The following ASTL variants were observed in gnomAD, a reference collection of about 807,000 sequenced individuals.
ASTL encodes astacin-like metalloendopeptidase.
A neutral mutation model predicts 36.7 loss-of-function variants in ASTL; 27 were observed. That is an observed-to-expected ratio of 0.73 (90% CI 0.54 to 1.01). The LOEUF (loss-of-function observed/expected upper bound fraction) is 1.01. Ranked by LOEUF, ASTL falls within the 50% of genes least tolerant of loss-of-function variation. The pLI, the probability that ASTL is intolerant of heterozygous loss-of-function variation, is 0.00. For synonymous variants in ASTL, 222 were observed against 228.1 expected (o/e 0.97, Z 0.24); for missense variants, 524 against 572.8 (o/e 0.91, Z 0.87).
At chr2:96,137,510 G>A (rs1019295925) in intron 2 of ASTL, 65 bp downstream of exon 2, 20 of 1,548,826 alleles carry the variant, frequency 1.3e-5, no homozygotes, top group East Asian at 6.9e-5. Flanking sequence ...CTGAGTGTTC[G>A]GTGTGGTTTT....
In ASTL at chr2:96,123,946, T is replaced by C; in HGVS notation, c.1200A>G (p.Ser400=). The change falls in exon 9 of 9, where the codon TCA becomes TCG. Residue 400 remains serine (S), a synonymous_variant. Coordinates refer to ENST00000342380, the MANE Select transcript of ASTL (RefSeq NM_001002036.4). ...CAGGGACTGGCTGGATTCCTGCTTC[T>C]GAAGATGGGACTGTGGGCTTGGTGG... ...GVSTKPTVPS[S]EAGIQPVPVQ... 2 of 1,614,028 alleles carry C rather than the reference T, an allele frequency of 1.2e-6. No individual in the cohort carries two copies. The highest frequency in any genetic ancestry group is 8.5e-7 in the Non-Finnish European group (1 of 1,180,000).
chr2:96,125,512 C>G (rs184803850), intron 8 of ASTL, among the ~76,000 whole-genome samples: 7 of 152,170 alleles, frequency 4.6e-5, no homozygotes, highest in Non-Finnish European at 1.0e-4. Flanking sequence ...GCTATATCCA[C>G]CCCTCTCCTC....
rs1288044047 is a variant in ASTL at position 96,133,418 on chromosome 2, CACTTACCCAT to C, written c.452_455+6del. The C allele has an allele frequency of 6.4e-7, 1 of 1,563,792 alleles. No individual in the cohort carries two copies. Among genetic ancestry groups the C allele is most frequent in the Non-Finnish European group, 8.8e-7 (1 of 1,134,026 alleles). On this transcript the variant is annotated splice_donor_variant and splice_donor_5th_base_variant and coding_sequence_variant and intron_variant, in exon 5 of 9. Coordinates refer to ENST00000342380, the MANE Select transcript of ASTL (RefSeq NM_001002036.4). LOFTEE classifies it high-confidence loss of function. The stretch of plus-strand genomic sequence containing the variant: ...GCTGAGATACGCATCCTGGCCCCGG[CACTTACCCAT>C]ACATGGGGATGATGGAAATGAAGTC...
rs1227946518 is a variant in ASTL, at chr2:96,137,716, A to G, written c.56-16T>C. On this transcript the variant is annotated splice_polypyrimidine_tract_variant and intron_variant, in intron 1 of 8. Coordinates refer to ENST00000342380, the MANE Select transcript of ASTL (RefSeq NM_001002036.4). ...AGGATCACACCTGGTCCAGACAGAC[A>G]GGGGCATACACAGATGCCTGGAGCA... 1.2e-6 allele frequency: 2 copies of G among 1,608,656 alleles called. No individual in the cohort carries two copies. Among genetic ancestry groups the G allele is most frequent in the Non-Finnish European group, 1.7e-6 (2 of 1,177,646 alleles).
At chr2:96,136,609 A>T (rs1356538738) in intron 2 of ASTL, among the ~76,000 whole-genome samples, 1 of 152,170 alleles carries the variant, frequency 6.6e-6, no homozygotes, top group Non-Finnish European at 1.5e-5. Flanking sequence ...TGGGCTCCCA[A>T]GTCAGCTCAC....
chr2:96,130,054 G>C lies in ASTL; in HGVS notation c.719+10C>G. ...GGGGAAGCAGAGGGAGAAGAAGGCA[G>C]GGTCCTCACCTCCCATAGTGCATCA... On this transcript the variant is annotated intron_variant, in intron 7 of 8. Coordinates refer to ENST00000342380, the MANE Select transcript of ASTL (RefSeq NM_001002036.4). 1.2e-6 allele frequency: 2 copies of C among 1,613,652 alleles called. No individual in the cohort carries two copies. Among genetic ancestry groups the C allele is most frequent in the Non-Finnish European group, 8.5e-7 (1 of 1,179,516 alleles).
At position 96,135,338 on chromosome 2, in the gene ASTL, T is replaced by C. The variant is rs776190309; in HGVS notation, c.243+13A>G. 4 of 1,613,344 alleles carry C rather than the reference T, an allele frequency of 2.5e-6. No individual in the cohort carries two copies. Among genetic ancestry groups the C allele is most frequent in the Non-Finnish European group, 3.4e-6 (4 of 1,179,326 alleles). On this transcript the variant is annotated intron_variant, in intron 3 of 8. Coordinates refer to ENST00000342380, the MANE Select transcript of ASTL (RefSeq NM_001002036.4). ...GCTTATCCGCACCCACACACGTCAGTGTGTGCACTCACCGGCCGGATGATG... is the reference window on the plus strand; with the variant it reads ...GCTTATCCGCACCCACACACGTCAGCGTGTGCACTCACCGGCCGGATGATG...
rs1342096995 is a variant in ASTL at position 96,132,931 on chromosome 2, C to G, written c.456-210G>C. Among the ~76,000 whole-genome samples the G allele has an allele frequency of 6.6e-6, 1 of 152,228 alleles. No homozygotes were observed. The highest frequency in any genetic ancestry group is 1.5e-5 in the Non-Finnish European group (1 of 68,042). ...GGCCATACCGGACCCCCATCACCAG[C>G]CTGGGCTGCAGGGAGGCTGCAGAAA... On this transcript the variant is annotated intron_variant, in intron 5 of 8. Coordinates refer to ENST00000342380, the MANE Select transcript of ASTL (RefSeq NM_001002036.4). The surrounding 1 kb of genome is among the most constrained non-coding windows in gnomAD (Gnocchi z 5.4).
chr2:96,124,421 A>G lies in ASTL; in HGVS notation c.875-150T>C, dbSNP rs1682024815. ...CCAAGACCCAGATTCCCACCCTACCAGAGACCAGGACAATGAAGCCATCCC... is the reference window on the plus strand; with the variant it reads ...CCAAGACCCAGATTCCCACCCTACCGGAGACCAGGACAATGAAGCCATCCC... On this transcript the variant is annotated intron_variant, in intron 8 of 8. Coordinates refer to ENST00000342380, the MANE Select transcript of ASTL (RefSeq NM_001002036.4). The surrounding 1 kb of genome is among the most constrained non-coding windows in gnomAD (Gnocchi z 4.1). 2 of 603,914 alleles carry G rather than the reference A, an allele frequency of 3.3e-6. No homozygotes were observed. Among genetic ancestry groups the G allele is most frequent in the Non-Finnish European group, 2.6e-6 (1 of 382,812 alleles). 37.4% of individuals were successfully genotyped at this position (603,914 alleles called of 1,614,324 possible). A position where few individuals can be genotyped will look rare whatever the true frequency, so the allele number is the denominator to read the frequency against.
chr2:96,125,163 T>C (rs1272156898), intron 8 of ASTL, among the ~76,000 whole-genome samples: 1 of 152,164 alleles, frequency 6.6e-6, no homozygotes, highest in African/African-American at 2.4e-5. Flanking sequence ...ACAGCCCCCA[T>C]GGCAGTCACC....
chr2:96,137,563 T>C lies in ASTL; in HGVS notation c.181+12A>G. On this transcript the variant is annotated intron_variant, in intron 2 of 8. Coordinates refer to ENST00000342380, the MANE Select transcript of ASTL (RefSeq NM_001002036.4). ...TGCCCCTCCAGGCCGTGAGAAGATG[T>C]AGTGCCCTCACCTTGGTTAATTGCA... 6.2e-7 allele frequency: 1 copy of C among 1,612,330 alleles called. No individual in the cohort carries two copies. Among genetic ancestry groups the C allele is most frequent in the Non-Finnish European group, 8.5e-7 (1 of 1,178,510 alleles).
Position 96,137,822 on chromosome 2 carries a change from G to A in ASTL, c.56-122C>T, listed in dbSNP as rs888401412. The A allele has an allele frequency of 6.8e-6, 7 of 1,026,982 alleles. No individual in the cohort carries two copies. In the South Asian group the frequency reaches 9.7e-5, roughly 14 times the overall value. The allele number at this position is 1,026,982 out of a possible 1,614,324, so 63.6% of individuals were successfully genotyped here. A position where few individuals can be genotyped will look rare whatever the true frequency, so the allele number is the denominator to read the frequency against. ...AAGACTCAGTCCCTAGGAAGAGTAG[G>A]CTCCAGCACAAAGCCAAGGAGCCTT... On this transcript the variant is annotated intron_variant, in intron 1 of 8. Transcript: ENST00000342380.
rs750974865 is a variant in ASTL, at chr2:96,124,011, G to A, written c.1135C>T (p.Pro379Ser). ...SPRSRPGAGAPGVAQEQSWLA... is the reference protein window; with the variant it reads ...SPRSRPGAGASGVAQEQSWLA... ...CAGGACTGCTCCTGAGCAACACCGG[G>A]GGCACCTGCTCCAGGCCTTGATCTT... Residue 379 changes from proline (P) to serine (S), a missense_variant, in exon 9 of 9, where the codon CCC becomes TCC. Coordinates refer to ENST00000342380, the MANE Select transcript of ASTL (RefSeq NM_001002036.4). The surrounding 1 kb of genome is among the most constrained non-coding windows in gnomAD (Gnocchi z 4.1). The A allele has an allele frequency of 6.2e-6, 10 of 1,614,038 alleles. No individual in the cohort carries two copies. The South Asian group carries it at 9.9e-5, about 16-fold the overall frequency.
rs1202273148 is a variant in ASTL at position 96,132,699 on chromosome 2, T to G, written c.478A>C (p.Ser160Arg). The G allele has an allele frequency of 6.2e-7, 1 of 1,612,002 alleles. No individual in the cohort carries two copies. Among genetic ancestry groups the G allele is most frequent in the East Asian group, 2.2e-5 (1 of 44,822 alleles). ...AGGGAGACCACCTGCATCCCTCCAC[T>G]GCGCCCCACACTCGAGAAGCACCTG... ...MYGCFSSVGR[S>R]GGMQVVSLAP... Residue 160 changes from serine (S) to arginine (R), a missense_variant, in exon 6 of 9, where the codon AGT (serine) becomes CGT (arginine). Coordinates refer to ENST00000342380, the MANE Select transcript of ASTL (RefSeq NM_001002036.4). The surrounding 1 kb of genome is among the most constrained non-coding windows in gnomAD (Gnocchi z 5.4).
At chr2:96,127,273 G>A (rs1387006392) in intron 8 of ASTL, among the ~76,000 whole-genome samples, 1 of 152,236 alleles carries the variant, frequency 6.6e-6, no homozygotes, top group East Asian at 1.9e-4. Context: ...TTGCATGCAA[G>A]ATGACCTAGG....
chr2:96,135,991 T>G (rs2104777462), intron 2 of ASTL, among the ~76,000 whole-genome samples: 1 of 152,326 alleles, frequency 6.6e-6, no homozygotes, highest in African/African-American at 2.4e-5. Flanking sequence ...TCAGGCCCCT[T>G]GAGGTGGCAA....
chr2:96,127,551 TATTAAGTCTCTTCCC>T (rs1558714028), intron 8 of ASTL, among the ~76,000 whole-genome samples: 1 of 152,164 alleles, frequency 6.6e-6, no homozygotes, highest in East Asian at 1.9e-4. Context: ...CTGAGATGTC[TATTAAGTCTCTTCCC>T]ATTTTTCTAT....
rs1229813683 is a variant in ASTL, at chr2:96,123,379, C to T, written c.*471G>A. ...TACACTGCTGTAGAACATTCCCCCACACTTGGGCATGTTGGGTGGGATGGG... is the reference window on the plus strand; with the variant it reads ...TACACTGCTGTAGAACATTCCCCCATACTTGGGCATGTTGGGTGGGATGGG... On this transcript the variant is annotated 3_prime_UTR_variant, in exon 9 of 9. Coordinates refer to ENST00000342380, the MANE Select transcript of ASTL (RefSeq NM_001002036.4). 1.3e-5 allele frequency among the ~76,000 whole-genome samples: 2 copies of T among 152,234 alleles called. No homozygotes were observed. The highest frequency in any genetic ancestry group is 4.1e-4 in the South Asian group (2 of 4,832).
At chr2:96,126,512 G>A (rs1682066485) in intron 8 of ASTL, among the ~76,000 whole-genome samples, 2 of 152,202 alleles carry the variant, frequency 1.3e-5, no homozygotes, top group Non-Finnish European at 1.5e-5. Flanking sequence ...CAGCAAGGAT[G>A]GGAGAAATCG....
Sources: gnomAD v4.1 joint callset for allele counts (sites outside exome capture counted in the v4.1 genomes callset) on GRCh38, gnomAD v4.1.1 for gene constraint, Gnocchi (gnomAD v3.1) non-coding constraint, MANE v1.5 for transcripts, NCBI Gene and HGNC (gene_info 2026-07-23, HGNC 2026-07-21) for gene names.